The following CDH12 variants were observed in gnomAD, a reference collection of about 807,000 sequenced individuals.
CDH12 encodes cadherin 12.
In CDH12, 41 loss-of-function variants were observed where a neutral mutation model predicts 74.1. That is an observed-to-expected ratio of 0.55 (90% CI 0.43 to 0.72). The LOEUF (loss-of-function observed/expected upper bound fraction) is 0.72. Ranked by LOEUF, CDH12 falls within the 30% of genes least tolerant of loss-of-function variation. The pLI is 0.00. For missense variants in CDH12, 945 were observed against 977.2 expected (o/e 0.97, Z 0.44); for synonymous variants, 399 against 355.0 (o/e 1.12, Z -1.39).
chr5:21,887,455 T>C (rs1752689300), intron 6 of CDH12, among the ~76,000 whole-genome samples: 1 of 152,182 alleles, frequency 6.6e-6, no homozygotes, highest in Non-Finnish European at 1.5e-5. Context: ...GAAACACTTC[T>C]GATGAATAGA....
At chr5:22,728,602 G>A (rs1407626553) in intron 1 of CDH12, among the ~76,000 whole-genome samples, 1 of 151,834 alleles carries the variant, frequency 6.6e-6, no homozygotes, top group Non-Finnish European at 1.5e-5. Flanking sequence ...GGAAACCTTT[G>A]ATACATTATT....
At chr5:22,170,924 A>G (rs1020950990) in intron 4 of CDH12, among the ~76,000 whole-genome samples, 3 of 151,926 alleles carry the variant, frequency 2.0e-5, no homozygotes, top group Non-Finnish European at 4.4e-5. Flanking sequence ...GGTAGCAGTT[A>G]GTTTCAAGTT....
chr5:22,094,639 G>A (rs1743636728), intron 4 of CDH12, among the ~76,000 whole-genome samples: 1 of 152,104 alleles, frequency 6.6e-6, no homozygotes, highest in South Asian at 2.1e-4. Context: ...TGGGCATCAA[G>A]AGGCCTCACA....
At chr5:22,639,430 TTC>T (rs1272820845) in intron 1 of CDH12, among the ~76,000 whole-genome samples, 2 of 128,522 alleles carry the variant, frequency 1.6e-5, no homozygotes, top group East Asian at 4.7e-4. Context: ...GCTTTTCTTC[TTC>T]TTTTTTTTTT....
chr5:22,316,387 G>A (rs1738635975), intron 3 of CDH12, among the ~76,000 whole-genome samples: 1 of 152,058 alleles, frequency 6.6e-6, no homozygotes, highest in Non-Finnish European at 1.5e-5. Flanking sequence ...GTAGAAGACT[G>A]CCTTTGCATT....
intron 6 of CDH12, among the ~76,000 whole-genome samples, chr5:21,920,865 T>G (rs1271890474): frequency 6.6e-6 from 1 of 152,046 alleles, no homozygotes. Context: ...GGAAAGTAAC[T>G]GAGTGAAACA....
intron 3 of CDH12, among the ~76,000 whole-genome samples, chr5:22,215,445 CA>C (rs1201390090): frequency 2.6e-5 from 4 of 151,646 alleles, no homozygotes; most frequent in African/African-American, 2.4e-5. Flanking sequence ...AAAAAATTCA[CA>C]AAAAAAACTT....
At chr5:22,687,292 A>G (rs1316257880) in intron 1 of CDH12, among the ~76,000 whole-genome samples, 2 of 148,626 alleles carry the variant, frequency 1.3e-5, no homozygotes, top group Non-Finnish European at 3.0e-5. Flanking sequence ...AACTCCGTCT[A>G]AAAAAAAAAG....
At chr5:21,766,054 GT>G (rs1745006166) in intron 11 of CDH12, among the ~76,000 whole-genome samples, 2 of 152,028 alleles carry the variant, frequency 1.3e-5, no homozygotes, top group South Asian at 4.2e-4. Context: ...CCATTGATTG[GT>G]TTATGAGTTA....
At chr5:21,959,917 T>C (rs1580021065) in intron 6 of CDH12, among the ~76,000 whole-genome samples, 2 of 114,624 alleles carry the variant, frequency 1.7e-5, no homozygotes, top group Non-Finnish European at 3.3e-5. Context: ...AGAGTGAGGC[T>C]CCATCTCAAA....
In CDH12 at chr5:22,557,178, T is replaced by C. The variant is rs545738106; in HGVS notation, c.-522-51814A>G. ...ACAGCATAAATGTAACATATATTCA[T>C]ATAATTAATTTGTTAAATACATACG... On this transcript the variant is annotated intron_variant, in intron 1 of 14. Transcript: ENST00000382254. 2.6e-5 allele frequency among the ~76,000 whole-genome samples: 4 copies of C among 152,236 alleles called. No homozygotes were observed. The East Asian group carries it at 5.8e-4, about 22-fold the overall frequency.
intron 5 of CDH12, among the ~76,000 whole-genome samples, chr5:22,051,338 C>A (rs1024004781): frequency 1.3e-5 from 2 of 151,970 alleles, no homozygotes; most frequent in Non-Finnish European, 2.9e-5. Flanking sequence ...CACCTAGATT[C>A]CAAATAATAC....
At chr5:21,945,656 G>C (rs562588481) in intron 6 of CDH12, among the ~76,000 whole-genome samples, 1 of 151,604 alleles carries the variant, frequency 6.6e-6, no homozygotes, top group African/African-American at 2.4e-5. Context: ...TCAGAGGATG[G>C]TCACAAAAGA....
intron 1 of CDH12, among the ~76,000 whole-genome samples, chr5:22,699,931 T>C (rs1742620695): frequency 6.6e-6 from 1 of 152,130 alleles, no homozygotes; most frequent in African/African-American, 2.4e-5. Context: ...TCCCAGCACT[T>C]TGAGAGGCCG....
chr5:21,930,794 AC>A, intron 6 of CDH12, among the ~76,000 whole-genome samples: 1 of 152,370 alleles, frequency 6.6e-6, no homozygotes, highest in African/African-American at 2.4e-5. Flanking sequence ...TAGATCAACA[AC>A]TTCGTATAAT....
intron 6 of CDH12, chr5:21,889,479 T>G: frequency 1.6e-6 from 1 of 607,490 alleles, no homozygotes; most frequent in Non-Finnish European, 2.1e-6. Context: ...GACATTGCCT[T>G]TGTGGGGCTT....
chr5:22,175,787 C>G (rs1026071061), intron 4 of CDH12, among the ~76,000 whole-genome samples: 36 of 152,072 alleles, frequency 2.4e-4, no homozygotes, highest in Non-Finnish European at 3.7e-4. Context: ...TCATCTCCTC[C>G]ACCCTTTCAG....
intron 4 of CDH12, among the ~76,000 whole-genome samples, chr5:22,177,414 A>C (rs1749401545): frequency 6.6e-6 from 1 of 152,146 alleles, no homozygotes; most frequent in Admixed American, 6.6e-5. Context: ...ACCTTGCTTC[A>C]CAGGGGAAGG....
intron 6 of CDH12, among the ~76,000 whole-genome samples, chr5:21,934,329 G>A (rs1160189519): frequency 6.6e-6 from 1 of 152,310 alleles, no homozygotes; most frequent in East Asian, 1.9e-4. Context: ...TTGTTTAAAA[G>A]TGTGTGGCAA....
Sources: gnomAD v4.1 joint callset for allele counts (sites outside exome capture counted in the v4.1 genomes callset) on GRCh38, gnomAD v4.1.1 for gene constraint, MANE v1.5 for transcripts, NCBI Gene and HGNC (gene_info 2026-07-23, HGNC 2026-07-21) for gene names.